PIK3CB: variants seen among roughly 807,000 people sequenced by gnomAD.
PIK3CB encodes the protein phosphatidylinositol-4,5-bisphosphate 3-kinase catalytic subunit beta.
A neutral mutation model predicts 136.8 loss-of-function variants in PIK3CB; 39 were observed. The ratio of observed to expected loss-of-function variants is 0.29; its 90% confidence interval spans 0.22 to 0.37. The LOEUF is 0.37. Ranked by LOEUF, PIK3CB falls within the 10% of genes least tolerant of loss-of-function variation. The pLI, the probability that PIK3CB is intolerant of heterozygous loss-of-function variation, is 1.00. For missense variants in PIK3CB, 868 were observed against 1,275.4 expected (o/e 0.68, Z 4.87); for synonymous variants, 428 against 436.6 (o/e 0.98, Z 0.25).
chr3:138,710,181 G>A (rs1331306279), intron 10 of PIK3CB, among the ~76,000 whole-genome samples: 1 of 151,916 alleles, frequency 6.6e-6, no homozygotes, highest in Non-Finnish European at 1.5e-5. Flanking sequence ...GAGGCCCTGA[G>A]TCAAACAAAC....
At chr3:138,678,831 A>C (rs2043702688) in intron 19 of PIK3CB, among the ~76,000 whole-genome samples, 1 of 152,114 alleles carries the variant, frequency 6.6e-6, no homozygotes, top group Non-Finnish European at 1.5e-5. Flanking sequence ...ATAGATTTAC[A>C]AATATAAGAT....
chr3:138,669,407 C>CAAAA (rs10605665), intron 19 of PIK3CB, among the ~76,000 whole-genome samples: 2 of 81,446 alleles, frequency 2.5e-5, no homozygotes, highest in Non-Finnish European at 4.7e-5. Flanking sequence ...GACCCTGTTT[C>CAAAA]AAAAAAAAAA....
intron 4 of PIK3CB, among the ~76,000 whole-genome samples, chr3:138,751,475 T>G (rs1305039385): frequency 6.6e-6 from 1 of 151,402 alleles, no homozygotes; most frequent in Non-Finnish European, 1.5e-5. Context: ...AAAAAGAAAT[T>G]TTATCAAAAA....
chr3:138,682,402 A>G (rs1577067453), intron 18 of PIK3CB, among the ~76,000 whole-genome samples: 1 of 152,174 alleles, frequency 6.6e-6, no homozygotes, highest in South Asian at 2.1e-4. Flanking sequence ...TGCTATTCAC[A>G]GGAGATTCAC....
chr3:138,672,939 GAGAA>G (rs2043567135), intron 19 of PIK3CB, among the ~76,000 whole-genome samples: 1 of 147,334 alleles, frequency 6.8e-6, no homozygotes, highest in African/African-American at 2.5e-5. Context: ...AAGAGAGAGA[GAGAA>G]AGAGATGAAA....
intron 2 of PIK3CB, among the ~76,000 whole-genome samples, chr3:138,773,045 C>T (rs2045818830): frequency 6.6e-6 from 1 of 152,006 alleles, no homozygotes; most frequent in South Asian, 2.1e-4. Context: ...GCCTTGGCCT[C>T]CCAAAGTGCT....
chr3:138,713,465 T>A (rs1576348950), intron 9 of PIK3CB, among the ~76,000 whole-genome samples: 1 of 150,966 alleles, frequency 6.6e-6, no homozygotes, highest in South Asian at 2.1e-4. Flanking sequence ...AGGTCAGGGG[T>A]TCAAGACCAG....
intron 12 of PIK3CB, among the ~76,000 whole-genome samples, chr3:138,700,056 T>A (rs2044217266): frequency 6.6e-6 from 1 of 151,856 alleles, no homozygotes; most frequent in Non-Finnish European, 1.5e-5. Context: ...AAATAGAAAT[T>A]AAAAAAAAAT....
At chr3:138,742,806 A>C in intron 4 of PIK3CB, 25 bp from the exon 5 acceptor site, 1 of 1,232,456 alleles carries the variant, frequency 8.1e-7, no homozygotes, top group South Asian at 1.3e-5. Context: ...TAAAGGTGTC[A>C]TTTTCAGTAA....
intron 8 of PIK3CB, among the ~76,000 whole-genome samples, chr3:138,731,426 T>C (rs1266162128): frequency 1.3e-5 from 2 of 151,772 alleles, no homozygotes; most frequent in East Asian, 2.0e-4. Flanking sequence ...CTAAGCTTTG[T>C]ATTTTTTGTA....
At chr3:138,707,470 G>A in intron 10 of PIK3CB, 181 bp from the exon 11 acceptor site, 2 of 1,348,590 alleles carry the variant, frequency 1.5e-6, no homozygotes, top group Non-Finnish European at 1.9e-6. Context: ...AAATTTCAGT[G>A]TGAGTTTGCA....
At chr3:138,736,791 G>C (rs1029519108) in intron 6 of PIK3CB, among the ~76,000 whole-genome samples, 1 of 152,114 alleles carries the variant, frequency 6.6e-6, no homozygotes, top group African/African-American at 2.4e-5. Flanking sequence ...TTTTGAGAAT[G>C]GTCAAACCTA....
At chr3:138,663,125 C>A (rs2108413954) in intron 21 of PIK3CB, among the ~76,000 whole-genome samples, 1 of 152,068 alleles carries the variant, frequency 6.6e-6, no homozygotes, top group East Asian at 1.9e-4. Context: ...AACAGGCAAC[C>A]TACAAAATGG....
At chr3:138,762,157 G>A (rs1191692183) in intron 2 of PIK3CB, among the ~76,000 whole-genome samples, 3 of 150,688 alleles carry the variant, frequency 2.0e-5, no homozygotes, top group Non-Finnish European at 4.4e-5. Flanking sequence ...GCTGAGGCAG[G>A]AGAATCGCCT....
At chr3:138,826,442 T>TA in intron 1 of PIK3CB, 1 of 797,016 alleles carries the variant, frequency 1.3e-6, no homozygotes, top group Non-Finnish European at 2.0e-6. Context: ...TGGTTAATGA[T>TA]AACAATGCAC....
intron 2 of PIK3CB, among the ~76,000 whole-genome samples, chr3:138,760,197 A>G (rs921781022): frequency 6.6e-6 from 1 of 152,176 alleles, no homozygotes; most frequent in Non-Finnish European, 1.5e-5. Flanking sequence ...TGCTGGGATT[A>G]CAGGCGTGAC....
At chr3:138,678,339 G>A (rs908144872) in intron 19 of PIK3CB, among the ~76,000 whole-genome samples, 4 of 152,036 alleles carry the variant, frequency 2.6e-5, no homozygotes, top group African/African-American at 9.7e-5. Context: ...GCACTCAAGC[G>A]TGGGTAACAG....
intron 19 of PIK3CB, among the ~76,000 whole-genome samples, chr3:138,676,944 T>C (rs1281333448): frequency 6.6e-6 from 1 of 152,112 alleles, no homozygotes; most frequent in Non-Finnish European, 1.5e-5. Flanking sequence ...ACTCAGAAAA[T>C]GCATATAACC....
In PIK3CB at chr3:138,657,620, A is replaced by T; in HGVS notation, c.2942+70T>A. The T allele has an allele frequency of 3.8e-6, 5 of 1,327,230 alleles. No individual in the cohort carries two copies. The South Asian group carries it at 6.5e-5, about 17-fold the overall frequency. 82.2% of individuals were successfully genotyped at this position (1,327,230 alleles called of 1,614,324 possible). On this transcript the variant is annotated intron_variant, in intron 22 of 23. Transcript: ENST00000674063. ...AGATCCAAATATATCTCAGCTAAGAAATGCTGGTCCACCTGGTCAGATAAG... is the reference window on the plus strand; with the variant it reads ...AGATCCAAATATATCTCAGCTAAGATATGCTGGTCCACCTGGTCAGATAAG...
Sources: gnomAD v4.1 joint callset for allele counts (sites outside exome capture counted in the v4.1 genomes callset) on GRCh38, gnomAD v4.1.1 for gene constraint, MANE v1.5 for transcripts, NCBI Gene and HGNC (gene_info 2026-07-23, HGNC 2026-07-21) for gene names.